The following MARCHF1 variants were observed in gnomAD, a reference collection of about 807,000 sequenced individuals.
MARCHF1 encodes membrane associated ring-CH-type finger 1.
MARCHF1 carries 40 observed loss-of-function variants against 54.2 expected under a neutral mutation model. The observed-to-expected ratio is 0.74, with a 90% CI of 0.57 to 0.96. MARCHF1 has a LOEUF of 0.96. Among genes scored for constraint, MARCHF1 ranks in the 40% least tolerant of loss-of-function variants. The probability of loss-of-function intolerance (pLI) is 0.00; values close to 1 mark genes in which losing one functional copy is unlikely to be tolerated. For synonymous variants in MARCHF1, 236 were observed against 236.3 expected (o/e 1.00, Z 0.01); for missense variants, 586 against 656.5 (o/e 0.89, Z 1.17).
chr4:163,931,129 G>A (rs1029040678), intron 3 of MARCHF1, among the ~76,000 whole-genome samples: 2 of 152,086 alleles, frequency 1.3e-5, no homozygotes, highest in East Asian at 1.9e-4. Flanking sequence ...AGGCTGATAC[G>A]TGCAAGCAAG....
chr4:163,620,800 A>T (rs1323531108), intron 5 of MARCHF1, among the ~76,000 whole-genome samples: 1 of 152,220 alleles, frequency 6.6e-6, no homozygotes, highest in East Asian at 1.9e-4. Context: ...GTACACATCT[A>T]GCCATTAGCA....
rs180943113 is a variant in MARCHF1, at chr4:163,829,396, C to G, written c.111+24625G>C. Among the ~76,000 whole-genome samples, 14 of 152,266 alleles carry G rather than the reference C, an allele frequency of 9.2e-5. No homozygotes were observed. The East Asian group carries it at 2.7e-3, about 29-fold the overall frequency. On this transcript the variant is annotated intron_variant, in intron 4 of 9. Coordinates refer to ENST00000514618, the MANE Select transcript of MARCHF1 (RefSeq NM_001394959.1). ...AAAAACCAAAATTCAAGGTGCTTGA[C>G]TATCATCTCATAAAACCTATTATAA...
chr4:163,760,729 T>A (rs562855079), intron 4 of MARCHF1, among the ~76,000 whole-genome samples: 31 of 152,316 alleles, frequency 2.0e-4, no homozygotes, highest in Admixed American at 5.2e-4. Flanking sequence ...AGTATTTTTT[T>A]AAAACTAACT....
chr4:163,593,295 A>G (rs1740652249), intron 7 of MARCHF1, among the ~76,000 whole-genome samples: 1 of 152,222 alleles, frequency 6.6e-6, no homozygotes, highest in Non-Finnish European at 1.5e-5. Context: ...AAATTAAACT[A>G]GAGATATTTC....
intron 5 of MARCHF1, among the ~76,000 whole-genome samples, chr4:163,685,780 TC>T (rs796906765): frequency 3.3e-4 from 50 of 152,300 alleles, no homozygotes; most frequent in African/African-American, 1.1e-3. Flanking sequence ...TTGAAATCAC[TC>T]CCCTTTTCTT....
At chr4:163,531,415 C>T (rs1031636924) in intron 9 of MARCHF1, among the ~76,000 whole-genome samples, 5 of 151,694 alleles carry the variant, frequency 3.3e-5, no homozygotes, top group Non-Finnish European at 5.9e-5. Context: ...CAAAATACGA[C>T]GCTCAATCAT....
chr4:164,257,454 G>A (rs867705347), intron 1 of MARCHF1, among the ~76,000 whole-genome samples: 8 of 150,778 alleles, frequency 5.3e-5, no homozygotes, highest in South Asian at 4.2e-4. Flanking sequence ...ATGATAAATC[G>A]TCAGTTTTGT....
chr4:163,632,943 A>G (rs908491301), intron 5 of MARCHF1, among the ~76,000 whole-genome samples: 2 of 151,846 alleles, frequency 1.3e-5, no homozygotes, highest in African/African-American at 4.8e-5. Flanking sequence ...CTGACCCCTG[A>G]CCCCTGAGCA....
intron 1 of MARCHF1, among the ~76,000 whole-genome samples, chr4:164,164,668 G>A (rs1163001308): frequency 1.3e-5 from 2 of 152,016 alleles, no homozygotes; most frequent in African/African-American, 4.8e-5. Flanking sequence ...TTATGGTGGT[G>A]GAAGAAAATA....
At chr4:163,761,062 A>G (rs1746813488) in intron 4 of MARCHF1, among the ~76,000 whole-genome samples, 1 of 152,214 alleles carries the variant, frequency 6.6e-6, no homozygotes, top group Non-Finnish European at 1.5e-5. Context: ...TGACTCTTAT[A>G]ATAGTGACAA....
intron 1 of MARCHF1, among the ~76,000 whole-genome samples, chr4:164,268,870 C>A (rs1733675206): frequency 6.6e-6 from 1 of 152,098 alleles, no homozygotes; most frequent in African/African-American, 2.4e-5. Context: ...TAAGAAGCCT[C>A]AGCAACTTAA....
intron 4 of MARCHF1, among the ~76,000 whole-genome samples, chr4:163,748,936 G>C (rs549212821): frequency 1.6e-4 from 25 of 152,366 alleles, no homozygotes; most frequent in African/African-American, 5.5e-4. Context: ...GTAAGGAAAT[G>C]CTTCAGGCTT....
intron 4 of MARCHF1, among the ~76,000 whole-genome samples, chr4:163,811,914 T>A (rs1234728040): frequency 7.9e-5 from 12 of 152,120 alleles, no homozygotes; most frequent in Non-Finnish European, 1.8e-4. Flanking sequence ...TGCAGAGGGA[T>A]TTCCAGGAGA....
intron 3 of MARCHF1, among the ~76,000 whole-genome samples, chr4:163,854,669 C>T (rs1301710224): frequency 6.6e-6 from 1 of 152,084 alleles, no homozygotes; most frequent in African/African-American, 2.4e-5. Flanking sequence ...TTATAAAGTT[C>T]TGCCATCTGA....
At chr4:163,982,106 TG>T (rs1446591560) in intron 3 of MARCHF1, among the ~76,000 whole-genome samples, 1 of 152,260 alleles carries the variant, frequency 6.6e-6, no homozygotes. Context: ...ATTTCATTGC[TG>T]AAAGCAAATA....
chr4:164,373,290 T>C (rs1414792291), intron 1 of MARCHF1, among the ~76,000 whole-genome samples: 2 of 152,004 alleles, frequency 1.3e-5, no homozygotes, highest in African/African-American at 4.8e-5. Context: ...AACTACCATT[T>C]GTCTCTCATT....
chr4:164,113,497 G>T (rs185544820), intron 1 of MARCHF1, among the ~76,000 whole-genome samples: 1 of 152,096 alleles, frequency 6.6e-6, no homozygotes, highest in African/African-American at 2.4e-5. Context: ...AAAGAGGAAA[G>T]AAAGATGCAT....
intron 4 of MARCHF1, among the ~76,000 whole-genome samples, chr4:163,765,240 A>C (rs1746941020): frequency 6.6e-6 from 1 of 152,120 alleles, no homozygotes; most frequent in South Asian, 2.1e-4. Flanking sequence ...TAAACTTAAA[A>C]GTGTGAAGCC....
intron 1 of MARCHF1, among the ~76,000 whole-genome samples, chr4:164,343,217 T>C (rs776003750): frequency 1.4e-4 from 21 of 152,190 alleles, no homozygotes; most frequent in Non-Finnish European, 2.8e-4. Flanking sequence ...CATTTCACAA[T>C]GTATACATAT....
Sources: gnomAD v4.1 joint callset for allele counts (sites outside exome capture counted in the v4.1 genomes callset) on GRCh38, gnomAD v4.1.1 for gene constraint, MANE v1.5 for transcripts, NCBI Gene and HGNC (gene_info 2026-07-23, HGNC 2026-07-21) for gene names.